Variants in TFIP11 observed in about 807,000 individuals in gnomAD.
TFIP11 encodes tuftelin-interacting protein 11.
TFIP11 carries 86 observed loss-of-function variants against 96.8 expected under a neutral mutation model. The observed-to-expected ratio is 0.89, with a 90% CI of 0.75 to 1.06. The LOEUF (loss-of-function observed/expected upper bound fraction) is 1.06, where lower values mean the gene tolerates loss of function less well. Ranked by LOEUF, TFIP11 falls within the 50% of genes least tolerant of loss-of-function variation. The probability of loss-of-function intolerance (pLI) is 0.00; values close to 1 mark genes in which losing one functional copy is unlikely to be tolerated. For synonymous variants in TFIP11, 405 were observed against 395.2 expected (o/e 1.02, Z -0.29); for missense variants, 881 against 1,076.7 (o/e 0.82, Z 2.54).
intron 4 of TFIP11, 104 bp downstream of exon 4, chr22:26,509,960 A>T: frequency 1.6e-6 from 2 of 1,219,986 alleles, no homozygotes; most frequent in Non-Finnish European, 2.4e-6. Context: ...AGTCTCAACA[A>T]GGCCAGGTGA....
rs552568389 is a variant in TFIP11 at position 26,498,623 on chromosome 22, C to T, written c.1436+246G>A. ...ATGGGTACACCAAAATCTCACAAAT[C>T]ACCACTAAAGAACTTACTCATGTAA... On this transcript the variant is annotated intron_variant, in intron 10 of 14. Transcript: ENST00000407690. 451 of 376,064 alleles carry T rather than the reference C, an allele frequency of 1.2e-3. 10 individuals are homozygous for T. In the South Asian group the frequency reaches 0.02, roughly 16 times the overall value. The allele number at this position is 376,064 out of a possible 1,614,324, so 23.3% of individuals were successfully genotyped here. A position where few individuals can be genotyped will look rare whatever the true frequency, so the allele number is the denominator to read the frequency against.
chr22:26,504,673 A>G (rs1393126781), intron 6 of TFIP11, among the ~76,000 whole-genome samples: 1 of 152,182 alleles, frequency 6.6e-6, no homozygotes, highest in African/African-American at 2.4e-5. Flanking sequence ...TTGTATCAAA[A>G]AAAAGCAAAA....
chr22:26,506,732 T>C (rs1458163209), intron 5 of TFIP11, 43 bp downstream of exon 5: 6 of 1,609,268 alleles, frequency 3.7e-6, no homozygotes, highest in South Asian at 3.3e-5. Flanking sequence ...ACAATGACCT[T>C]TGAAGGATAT....
At chr22:26,498,494 G>A (rs1922342974) in intron 10 of TFIP11, among the ~76,000 whole-genome samples, 1 of 141,566 alleles carries the variant, frequency 7.1e-6, no homozygotes, top group Non-Finnish European at 1.5e-5. Flanking sequence ...AGTGAGCTGC[G>A]ATCACGCCAC....
chr22:26,501,841 T>G, intron 8 of TFIP11, 59 bp downstream of exon 8: 2 of 1,231,762 alleles, frequency 1.6e-6, no homozygotes, highest in South Asian at 1.8e-5. Context: ...CCCTCGAACA[T>G]GTTCAGTGAT....
At position 26,503,718 on chromosome 22, in the gene TFIP11, G is replaced by A; in HGVS notation, c.596C>T (p.Thr199Ile). 3 of 1,614,050 alleles carry A rather than the reference G, an allele frequency of 1.9e-6. No individual in the cohort carries two copies. The highest frequency in any genetic ancestry group is 3.3e-4 in the Middle Eastern group (2 of 6,062). ...CACAGGGAAGTCTTGCATGGACTGA[G>A]TGGTGCGCTCGGATCCATAAGCCCC... ...AVGAYGSERT[T>I]QSMQDFPVVD... is the part of the protein sequence containing the mutation. Residue 199 changes from threonine to isoleucine, a missense_variant, in exon 7 of 15, where the codon ACT (threonine) becomes ATT (isoleucine). Physicochemically the swap from Thr to Ile is moderately conservative, Grantham distance 89. Transcript: ENST00000407690.
rs1163273261 is a variant in TFIP11, at chr22:26,496,210, C to T, written c.1712G>A (p.Arg571His). The T allele has an allele frequency of 3.1e-6, 5 of 1,613,928 alleles. No individual in the cohort carries two copies. The highest frequency in any genetic ancestry group is 1.1e-5 in the South Asian group (1 of 91,056). Residue 571 changes from arginine (R) to histidine (H), a missense_variant, in exon 12 of 15, where the codon CGT becomes CAT. Arg to His is a conservative substitution (Grantham distance 29). Coordinates refer to ENST00000407690, the MANE Select transcript of TFIP11 (RefSeq NM_012143.4). Reference sequence around the variant, plus strand: ...CTGCAGGGCGCTGGACAGCTTACTACGGATGGGGGAATAGAGTGGCTCCAG... The same window carrying T: ...CTGCAGGGCGCTGGACAGCTTACTATGGATGGGGGAATAGAGTGGCTCCAG... ...ARLEPLYSPI[R>H]SKLSSALQKW... is the part of the protein sequence containing the mutation.
chr22:26,491,458 C>T lies in TFIP11; in HGVS notation c.*555G>A. ...AAGTTTTTATACTTGAATTTTTCTG[C>T]TCAGATTTTAAAAGGACTGGAGGAG... On this transcript the variant is annotated 3_prime_UTR_variant, in exon 15 of 15. Transcript: ENST00000407690. 1 of 1,606,864 alleles carries T rather than the reference C, an allele frequency of 6.2e-7. No individual in the cohort carries two copies. Among genetic ancestry groups the T allele is most frequent in the Non-Finnish European group, 8.5e-7 (1 of 1,176,946 alleles).
At chr22:26,498,713 A>T in intron 10 of TFIP11, 156 bp downstream of exon 10, 1 of 639,852 alleles carries the variant, frequency 1.6e-6, no homozygotes. Flanking sequence ...AAAAAAAAAA[A>T]ATTCATAGCC....
intron 12 of TFIP11, among the ~76,000 whole-genome samples, chr22:26,495,598 A>G (rs1921873024): frequency 3.3e-5 from 1 of 30,708 alleles, no homozygotes; most frequent in African/African-American, 7.3e-5. Context: ...ATACATATAT[A>G]CATATATATG....
At position 26,499,337 on chromosome 22, in the gene TFIP11, C is replaced by T. The variant is rs763356224; in HGVS notation, c.1096G>A (p.Glu366Lys). Residue 366 changes from glutamate to lysine, a missense_variant, in exon 9 of 15, where the codon GAG (glutamate) becomes AAG (lysine). Coordinates refer to ENST00000407690, the MANE Select transcript of TFIP11 (RefSeq NM_012143.4). ...CTGAGGTTCGAGATGACCCGCTCCTCGTGGTCCAGGACCTCGGTCATCTTC... is the reference window on the plus strand; with the variant it reads ...CTGAGGTTCGAGATGACCCGCTCCTTGTGGTCCAGGACCTCGGTCATCTTC... ...LEKMTEVLDH[E>K]ERVISNLSKV... is the part of the protein sequence containing the mutation. 1.2e-5 allele frequency: 20 copies of T among 1,614,024 alleles called. No homozygotes were observed. Among genetic ancestry groups the T allele is most frequent in the East Asian group, 1.1e-4 (5 of 44,888 alleles).
At chr22:26,495,682 ATGTG>A (rs555549211) in intron 12 of TFIP11, among the ~76,000 whole-genome samples, 7 of 146,080 alleles carry the variant, frequency 4.8e-5, no homozygotes, top group South Asian at 4.4e-4. Flanking sequence ...ATATACATAT[ATGTG>A]TGTGTGTGTG....
At position 26,510,298 on chromosome 22, in the gene TFIP11, A is replaced by T. The variant is rs754547188; in HGVS notation, c.-9-17T>A. ...GGCCAGTCACTAAAGGAAGAGACAA[A>T]AAGAGCACAGGCCGTAAGTCCTGGG... is the stretch of plus-strand genomic sequence containing the variant. On this transcript the variant is annotated splice_polypyrimidine_tract_variant and intron_variant, in intron 3 of 14. Transcript: ENST00000407690. 1.2e-5 allele frequency: 20 copies of T among 1,612,778 alleles called. No individual in the cohort carries two copies. The highest frequency in any genetic ancestry group is 1.7e-5 in the Non-Finnish European group (20 of 1,178,918).
chr22:26,494,787 CA>C lies in TFIP11; in HGVS notation c.1992+9del, dbSNP rs1325047618. The stretch of plus-strand genomic sequence containing the variant: ...CCCTCCCCCAGAAATCCAAGCAAAA[CA>C]AAGTGTACCTGAAGCCACTTGGGGA... On this transcript the variant is annotated intron_variant, in intron 13 of 14. Transcript: ENST00000407690. The C allele has an allele frequency of 1.2e-6, 2 of 1,613,768 alleles. No individual in the cohort carries two copies. Among genetic ancestry groups the C allele is most frequent in the South Asian group, 2.2e-5 (2 of 91,084 alleles).
In TFIP11 at chr22:26,498,868, C is replaced by T. The variant is rs761818266; in HGVS notation, c.1436+1G>A. The stretch of plus-strand genomic sequence containing the variant: ...GTACAGAGCCCTGCTCTGTGGTGTA[C>T]CTGTGAAAGGCATCTGCTGAGAGGT... On this transcript the variant is annotated splice_donor_variant, in intron 10 of 14. Transcript: ENST00000407690. LOFTEE classifies it high-confidence loss of function. 1.9e-6 allele frequency: 3 copies of T among 1,613,196 alleles called. No individual in the cohort carries two copies. Among genetic ancestry groups the T allele is most frequent in the Admixed American group, 3.3e-5 (2 of 60,010 alleles).
rs778131446 is a variant in TFIP11 at position 26,510,096 on chromosome 22, C to G, written c.177G>C (p.Ser59=). The change falls in exon 4 of 15, where the codon TCG becomes TCC. Residue 59 remains serine, a synonymous_variant. Coordinates refer to ENST00000407690, the MANE Select transcript of TFIP11 (RefSeq NM_012143.4). The part of the protein sequence containing the change: ...ATYGVWAERD[S]DDERPSFGGK... ...CTCCAAAGCTGGGCCTCTCATCATC[C>G]GAGTCTCGCTCTGCCCACACCCCGT... 5.0e-6 allele frequency: 8 copies of G among 1,614,000 alleles called. No homozygotes were observed. The highest frequency in any genetic ancestry group is 2.2e-5 in the East Asian group (1 of 44,886).
chr22:26,510,469 C>T (rs1452666938), intron 3 of TFIP11, 148 bp downstream of exon 3: 1 of 593,378 alleles, frequency 1.7e-6, no homozygotes, highest in South Asian at 2.0e-5. Flanking sequence ...AGTACTAAAA[C>T]AGGTGAACAA....
intron 6 of TFIP11, chr22:26,506,068 C>A (rs1923371350): frequency 2.6e-6 from 1 of 382,998 alleles, no homozygotes; most frequent in Non-Finnish European, 4.6e-6. Context: ...CTGTTTTCAA[C>A]CTGTTTGCAG....
Position 26,508,413 on chromosome 22 carries a change from A to G in TFIP11, c.210-1485T>C, listed in dbSNP as rs1477170372. On this transcript the variant is annotated intron_variant, in intron 4 of 14. Coordinates refer to ENST00000407690, the MANE Select transcript of TFIP11 (RefSeq NM_012143.4). Reference sequence around the variant, plus strand: ...GTTTATGAAATAGCCAGGACAAGTAAGCAGCCAAGAGATGTTAGCTATTAT... The same window carrying G: ...GTTTATGAAATAGCCAGGACAAGTAGGCAGCCAAGAGATGTTAGCTATTAT... Among the ~76,000 whole-genome samples the G allele has an allele frequency of 2.0e-5, 3 of 152,260 alleles. No homozygotes were observed. The East Asian group carries it at 5.8e-4, about 29-fold the overall frequency.
Sources: allele counts gnomAD v4.1 joint callset (sites outside exome capture counted in the v4.1 genomes callset), GRCh38; gene constraint gnomAD v4.1.1; transcripts MANE v1.5; gene names NCBI Gene and HGNC (gene_info 2026-07-23, HGNC 2026-07-21).